The following LVRN variants were observed in gnomAD, a reference collection of about 807,000 sequenced individuals.
The protein encoded by LVRN is laeverin.
Under a neutral mutation model 111.4 loss-of-function variants are expected in LVRN, and 99 were observed. That is an observed-to-expected ratio of 0.89 (90% confidence interval 0.76 to 1.05). LVRN has a LOEUF of 1.05. Ranked by LOEUF, LVRN falls within the 50% of genes least tolerant of loss-of-function variation. LVRN has a pLI of 0.00. For missense variants in LVRN, 1,414 were observed against 1,206.8 expected (o/e 1.17, Z -2.54); for synonymous variants, 488 against 449.5 (o/e 1.09, Z -1.08).
At chr5:115,978,603 T>G (rs1753495604) in intron 1 of LVRN, among the ~76,000 whole-genome samples, 1 of 152,162 alleles carries the variant, frequency 6.6e-6, no homozygotes, top group East Asian at 1.9e-4. Context: ...TGTGTAATAT[T>G]CAAACCTTTG....
intron 1 of LVRN, among the ~76,000 whole-genome samples, chr5:115,982,278 G>A (rs1753575627): frequency 6.6e-6 from 1 of 152,186 alleles, no homozygotes; most frequent in Non-Finnish European, 1.5e-5. Context: ...GCAGCCTTAT[G>A]ATGGTGAAGG....
intron 18 of LVRN, among the ~76,000 whole-genome samples, chr5:116,018,868 G>C (rs567073892): frequency 6.6e-6 from 1 of 152,008 alleles, no homozygotes; most frequent in African/African-American, 2.4e-5. Context: ...AATTTTTTAG[G>C]GTAGTTTTAA....
intron 5 of LVRN, among the ~76,000 whole-genome samples, chr5:115,992,665 T>C (rs570407942): frequency 6.6e-6 from 1 of 152,334 alleles, no homozygotes; most frequent in South Asian, 2.1e-4. Flanking sequence ...TTGTTATAAA[T>C]TTCTAGTTGT....
At chr5:115,991,120 A>G (rs890780608) in intron 4 of LVRN, among the ~76,000 whole-genome samples, 8 of 152,190 alleles carry the variant, frequency 5.3e-5, no homozygotes, top group Non-Finnish European at 8.8e-5. Context: ...TGGCAACTGT[A>G]TAATGACCAG....
At chr5:115,989,121 T>C (rs1039289149) in intron 4 of LVRN, among the ~76,000 whole-genome samples, 2 of 152,206 alleles carry the variant, frequency 1.3e-5, no homozygotes, top group Non-Finnish European at 2.9e-5. Context: ...CCATCCTTTA[T>C]ATGAAACCAG....
intron 7 of LVRN, among the ~76,000 whole-genome samples, chr5:116,000,122 T>C (rs933835938): frequency 1.3e-5 from 2 of 152,232 alleles, no homozygotes; most frequent in African/African-American, 4.8e-5. Context: ...AACCATAGAC[T>C]TTAACAACTT....
intron 13 of LVRN, among the ~76,000 whole-genome samples, chr5:116,009,319 A>G (rs948276814): frequency 1.3e-5 from 2 of 152,188 alleles, no homozygotes; most frequent in African/African-American, 4.8e-5. Flanking sequence ...ACTTGGTTAC[A>G]CAAGCACTAT....
In LVRN at chr5:116,027,068, T is replaced by C. The variant is rs1374389487; in HGVS notation, c.*950T>C. On this transcript the variant is annotated 3_prime_UTR_variant, in exon 20 of 20. Transcript: ENST00000357872. ...ATTAAGTTTGAAACATAGTGTCTTT[T>C]GGCCAAATTGAACCTACTTGTAATG... 6.6e-6 allele frequency: 1 copy of C among 152,212 alleles called. No individual in the cohort carries two copies. The highest frequency in any genetic ancestry group is 1.5e-5 in the Non-Finnish European group (1 of 68,028). The allele number at this position is 152,212 out of a possible 1,614,324, so 9.4% of individuals were successfully genotyped here. A position where few individuals can be genotyped will look rare whatever the true frequency, so the allele number is the denominator to read the frequency against.
At chr5:116,021,493 C>G (rs1009432731) in intron 18 of LVRN, 1 of 218,170 alleles carries the variant, frequency 4.6e-6, no homozygotes, top group Admixed American at 5.9e-5. Context: ...CTCAGGTAGA[C>G]CCAGTGTAAG....
chr5:116,007,463 G>A (rs1748398775), intron 13 of LVRN, among the ~76,000 whole-genome samples: 1 of 152,070 alleles, frequency 6.6e-6, no homozygotes, highest in Non-Finnish European at 1.5e-5. Flanking sequence ...ATCCTTCACT[G>A]CTCTTCTCAA....
chr5:116,003,650 C>T (rs1333608638), intron 12 of LVRN, among the ~76,000 whole-genome samples: 2 of 149,620 alleles, frequency 1.3e-5, no homozygotes, highest in Non-Finnish European at 3.0e-5. Flanking sequence ...GACGCGATCT[C>T]GGCTCACTGC....
At chr5:116,015,476 G>GA (rs543760597) in intron 17 of LVRN, 57 bp downstream of exon 17, 20 of 1,468,818 alleles carry the variant, frequency 1.4e-5, no homozygotes, top group East Asian at 7.2e-5. Context: ...ATTAATAAAG[G>GA]AAAAAAAATA....
At chr5:115,994,796 T>A (rs1748070163) in intron 6 of LVRN, among the ~76,000 whole-genome samples, 1 of 152,230 alleles carries the variant, frequency 6.6e-6, no homozygotes, top group African/African-American at 2.4e-5. Flanking sequence ...GCTTTTAGAA[T>A]GCCATGATAA....
chr5:115,965,696 A>G (rs934271550), intron 1 of LVRN, among the ~76,000 whole-genome samples: 18 of 152,028 alleles, frequency 1.2e-4, no homozygotes, highest in African/African-American at 3.9e-4. Flanking sequence ...ATAGTGAGTG[A>G]ATCTCATGAG....
chr5:115,985,198 A>T (rs1423102216), intron 3 of LVRN, among the ~76,000 whole-genome samples: 1 of 152,180 alleles, frequency 6.6e-6, no homozygotes, highest in African/African-American at 2.4e-5. Context: ...GCAGGTTAAA[A>T]TATTATCCCT....
chr5:115,972,632 T>G (rs899775209), intron 1 of LVRN, among the ~76,000 whole-genome samples: 2 of 152,044 alleles, frequency 1.3e-5, no homozygotes, highest in African/African-American at 4.8e-5. Flanking sequence ...CAACACTGAA[T>G]AGAAAAAGTA....
intron 4 of LVRN, among the ~76,000 whole-genome samples, chr5:115,990,942 A>G (rs1436214639): frequency 6.6e-6 from 1 of 152,210 alleles, no homozygotes; most frequent in Non-Finnish European, 1.5e-5. Flanking sequence ...CAAAAAATAC[A>G]GAGAGTTCCC....
chr5:115,964,822 A>G (rs941256691), intron 1 of LVRN, among the ~76,000 whole-genome samples: 5 of 152,374 alleles, frequency 3.3e-5, no homozygotes, highest in Middle Eastern at 6.8e-3. Context: ...AGTTCTACAG[A>G]TGTTCATAAA....
In LVRN at chr5:116,027,042, G is replaced by T. The variant is rs879712336; in HGVS notation, c.*924G>T. ...AATCCTTACAGTTTTGCACTCAGGG[G>T]ATTAAGTTTGAAACATAGTGTCTTT... On this transcript the variant is annotated 3_prime_UTR_variant, in exon 20 of 20. Coordinates refer to ENST00000357872, the MANE Select transcript of LVRN (RefSeq NM_173800.5). The T allele has an allele frequency of 6.6e-6, 1 of 152,140 alleles. No homozygotes were observed. The highest frequency in any genetic ancestry group is 1.5e-5 in the Non-Finnish European group (1 of 68,006). The allele number at this position is 152,140 out of a possible 1,614,324, so 9.4% of individuals were successfully genotyped here.
Sources: gnomAD v4.1 joint callset for allele counts (sites outside exome capture counted in the v4.1 genomes callset) on GRCh38, gnomAD v4.1.1 for gene constraint, MANE v1.5 for transcripts, NCBI Gene and HGNC (gene_info 2026-07-23, HGNC 2026-07-21) for gene names.